CLASP2: variants seen among roughly 807,000 people sequenced by gnomAD.
The protein encoded by CLASP2 is CLIP-associating protein 2.
Under a neutral mutation model 194.4 loss-of-function variants are expected in CLASP2, and 47 were observed. The observed-to-expected ratio is 0.24, with a 90% CI of 0.19 to 0.31. CLASP2 has a LOEUF of 0.31. CLASP2 is among the 10% of genes least tolerant of loss of function. The pLI is 1.00. For missense variants in CLASP2, 1,445 were observed against 1,823.6 expected (o/e 0.79, Z 3.78); for synonymous variants, 619 against 633.5 (o/e 0.98, Z 0.34).
At chr3:33,505,266 C>A (rs952495179) in intron 37 of CLASP2, 3 of 146,688 alleles carry the variant, frequency 2.0e-5, no homozygotes. Context: ...ACAACAACAA[C>A]AAAACATAAC....
chr3:33,552,570 TTC>T (rs34350447), intron 29 of CLASP2, among the ~76,000 whole-genome samples: 6,666 of 152,288 alleles, frequency 0.044, 171 homozygotes, highest in Middle Eastern at 0.1. Flanking sequence ...CTCTTGGCAA[TTC>T]TCTTTTTATA....
intron 23 of CLASP2, among the ~76,000 whole-genome samples, chr3:33,581,036 G>A (rs1334364574): frequency 8.3e-4 from 95 of 114,910 alleles, no homozygotes; most frequent in South Asian, 1.4e-3. Flanking sequence ...AAAAAAGAAA[G>A]AAAGAAAAAA....
chr3:33,698,042 T>C (rs2092082821), intron 1 of CLASP2, among the ~76,000 whole-genome samples: 1 of 151,974 alleles, frequency 6.6e-6, no homozygotes, highest in Non-Finnish European at 1.5e-5. Flanking sequence ...AAACCTCCAC[T>C]GGACACTCTT....
intron 7 of CLASP2, among the ~76,000 whole-genome samples, chr3:33,653,884 A>C (rs892292544): frequency 3.3e-5 from 5 of 152,164 alleles, no homozygotes; most frequent in African/African-American, 1.2e-4. Context: ...CCTTGCTTAA[A>C]ATCCTGCACT....
chr3:33,640,898 C>T (rs554521971), intron 8 of CLASP2, among the ~76,000 whole-genome samples: 26 of 152,096 alleles, frequency 1.7e-4, no homozygotes, highest in African/African-American at 5.8e-4. Flanking sequence ...AGCTTTAAAA[C>T]GACTGATTTA....
chr3:33,713,033 A>G (rs1337912196), intron 1 of CLASP2, among the ~76,000 whole-genome samples: 2 of 149,490 alleles, frequency 1.3e-5, no homozygotes, highest in Non-Finnish European at 3.0e-5. Context: ...AAAAAAAAAA[A>G]AAAAAAGAAA....
chr3:33,628,092 C>T (rs940654131), intron 9 of CLASP2, among the ~76,000 whole-genome samples: 9 of 152,106 alleles, frequency 5.9e-5, no homozygotes, highest in Admixed American at 5.2e-4. Flanking sequence ...TTCATCAAAC[C>T]GCCTTACATC....
chr3:33,538,911 A>T lies in CLASP2; in HGVS notation c.3436T>A (p.Ser1146Thr), dbSNP rs775657093. ...AFDYDTENMNSEDIYSSLRGV... is the reference protein window; with the variant it reads ...AFDYDTENMNTEDIYSSLRGV... Reference sequence around the variant, plus strand: ...CTAAGAGAGCTATAAATATCTTCAGAGTTCATATTTTCTGTGTCATAATCA... The same window carrying T: ...CTAAGAGAGCTATAAATATCTTCAGTGTTCATATTTTCTGTGTCATAATCA... Residue 1146 changes from serine (S) to threonine (T), a missense_variant, in exon 33 of 39, where the codon TCT (serine) becomes ACT (threonine). This residue lies in a region of CLASP2 where 732 missense variants were observed against 987.9 expected (regional missense o/e 0.74). Transcript: ENST00000682230. 1 of 1,589,954 alleles carries T rather than the reference A, an allele frequency of 6.3e-7. No homozygotes were observed. Among genetic ancestry groups the T allele is most frequent in the South Asian group, 1.2e-5 (1 of 84,852 alleles).
At chr3:33,516,537 C>G (rs1160794006) in intron 35 of CLASP2, among the ~76,000 whole-genome samples, 1 of 151,940 alleles carries the variant, frequency 6.6e-6, no homozygotes, top group Non-Finnish European at 1.5e-5. Flanking sequence ...GGTGGTGGCA[C>G]GTGCTTATAA....
intron 24 of CLASP2, 83 bp downstream of exon 24, chr3:33,576,086 T>G: frequency 9.6e-7 from 1 of 1,043,850 alleles, no homozygotes; most frequent in East Asian, 2.5e-5. Flanking sequence ...CCCAACCCCT[T>G]TCCCACATGG....
At chr3:33,643,574 A>G (rs1224721077) in intron 8 of CLASP2, among the ~76,000 whole-genome samples, 1 of 151,992 alleles carries the variant, frequency 6.6e-6, no homozygotes, top group African/African-American at 2.4e-5. Flanking sequence ...GAAATCAGCA[A>G]GACATTTTAA....
intron 21 of CLASP2, among the ~76,000 whole-genome samples, chr3:33,590,870 A>C (rs555313261): frequency 3.7e-4 from 56 of 152,180 alleles, no homozygotes; most frequent in Non-Finnish European, 7.1e-4. Flanking sequence ...AAGAGAGTTA[A>C]ATTTATTTCT....
At chr3:33,514,276 C>G (rs989452018) in intron 36 of CLASP2, among the ~76,000 whole-genome samples, 1 of 151,342 alleles carries the variant, frequency 6.6e-6, no homozygotes, top group Non-Finnish European at 1.5e-5. Context: ...CGTAAGCCAC[C>G]ATGCCCAGCC....
chr3:33,708,544 G>A (rs866639119), intron 1 of CLASP2, among the ~76,000 whole-genome samples: 9 of 136,986 alleles, frequency 6.6e-5, no homozygotes, highest in South Asian at 4.6e-4. Context: ...ATGTATATAT[G>A]TATATATATA....
intron 14 of CLASP2, among the ~76,000 whole-genome samples, chr3:33,607,880 C>A (rs986040898): frequency 1.3e-5 from 2 of 152,034 alleles, no homozygotes; most frequent in African/African-American, 4.8e-5. Context: ...CACAGAAGAA[C>A]GCAAAGAAAA....
At chr3:33,628,594 G>A (rs1409190595) in intron 9 of CLASP2, among the ~76,000 whole-genome samples, 1 of 152,118 alleles carries the variant, frequency 6.6e-6, no homozygotes, top group Non-Finnish European at 1.5e-5. Context: ...CAGAATACTG[G>A]AAGACCATTA....
chr3:33,511,784 C>T (rs550028469), intron 36 of CLASP2, among the ~76,000 whole-genome samples: 2,101 of 67,662 alleles, frequency 0.031, 431 homozygotes, highest in African/African-American at 0.1. Flanking sequence ...GACATTTATG[C>T]AGCCAAAAAA....
intron 37 of CLASP2, among the ~76,000 whole-genome samples, chr3:33,506,030 C>T (rs1358230145): frequency 2.6e-5 from 4 of 152,000 alleles, no homozygotes. Flanking sequence ...ATCCTATGTC[C>T]TGAAAGTGTA....
intron 6 of CLASP2, among the ~76,000 whole-genome samples, chr3:33,665,584 C>G (rs957352697): frequency 6.6e-6 from 1 of 152,120 alleles, no homozygotes; most frequent in African/African-American, 2.4e-5. Flanking sequence ...ATGATTCTCA[C>G]TTTACCAACT....
Sources: gnomAD v4.1 joint callset for allele counts (sites outside exome capture counted in the v4.1 genomes callset) on GRCh38, gnomAD v4.1.1 for gene constraint, gnomAD v4.1.1 regional missense constraint, MANE v1.5 for transcripts, NCBI Gene and HGNC (gene_info 2026-07-23, HGNC 2026-07-21) for gene names.